The following CARD8 variants were observed in gnomAD, a reference collection of about 807,000 sequenced individuals.
CARD8 encodes caspase recruitment domain family member 8.
Under a neutral mutation model 53.2 loss-of-function variants are expected in CARD8, and 38 were observed. The observed-to-expected ratio is 0.71, with a 90% CI of 0.55 to 0.94. The LOEUF (loss-of-function observed/expected upper bound fraction) is 0.94, where lower values mean the gene tolerates loss of function less well. Ranked by LOEUF, CARD8 falls within the 40% of genes least tolerant of loss-of-function variation. The pLI is 0.00. For missense variants in CARD8, 561 were observed against 655.5 expected, an observed-to-expected ratio of 0.86 and a Z score of 1.57; for synonymous variants, 245 against 244.9, an observed-to-expected ratio of 1.00 and a Z score of 0.00.
At position 48,241,691 on chromosome 19, in the gene CARD8, T is replaced by C. The variant is rs530198766; in HGVS notation, c.-43-628A>G. Among the ~76,000 whole-genome samples, 225 of 152,360 alleles carry C rather than the reference T, an allele frequency of 1.5e-3. 1 individual carries two copies. The highest frequency in any genetic ancestry group is 5.0e-3 in the African/African-American group (207 of 41,580). Reference sequence around the variant, plus strand: ...TTCCTTGCCTTCCATTCTTCTCTCGTACAACTCTAATCGTTTTTCTTGCCT... The same window carrying C: ...TTCCTTGCCTTCCATTCTTCTCTCGCACAACTCTAATCGTTTTTCTTGCCT... On this transcript the variant is annotated intron_variant, in intron 3 of 13. Coordinates refer to ENST00000651546, the MANE Select transcript of CARD8 (RefSeq NM_001184900.3).
downstream of CARD8, chr19:48,203,982 C>G (rs1262509661): frequency 2.9e-6 from 1 of 341,814 alleles, no homozygotes; most frequent in South Asian, 2.1e-5. Context: ...GCAGTAGAAC[C>G]CGCGGGCCCA....
At position 48,249,531 on chromosome 19, in the gene CARD8, T is replaced by A. The variant is rs2046665936; in HGVS notation, c.-52A>T. The A allele has an allele frequency of 6.6e-6, 1 of 152,348 alleles. No individual in the cohort carries two copies. Among genetic ancestry groups the A allele is most frequent in the Admixed American group, 6.5e-5 (1 of 15,272 alleles). The allele number at this position is 152,348 out of a possible 1,614,324, so 9.4% of individuals were successfully genotyped here. On this transcript the variant is annotated 5_prime_UTR_variant, in exon 3 of 14. Coordinates refer to ENST00000651546, the MANE Select transcript of CARD8 (RefSeq NM_001184900.3). ...TGTTTTTTCCTACTCACATTGAAGA[T>A]GGCCCAGATGCTTGCACTAACCGCG...
At chr19:48,207,732 C>CTGTTTTTTTTTTTTTTT (rs2037425914), downstream of CARD8, among the ~76,000 whole-genome samples, 12 of 91,276 alleles carry the variant, frequency 1.3e-4, 1 homozygote, top group African/African-American at 4.4e-4. Context: ...TGTTGTTTTT[C>CTGTTTTTTTTTTTTTTT]TGTTTTTTTT....
At chr19:48,237,626 G>T (rs1423192918) in intron 5 of CARD8, among the ~76,000 whole-genome samples, 1 of 151,554 alleles carries the variant, frequency 6.6e-6, no homozygotes, top group Non-Finnish European at 1.5e-5. Context: ...GTGAAACCCC[G>T]TATCTACTAA....
Position 48,249,640 on chromosome 19 carries a change from A to G in CARD8, c.-154-7T>C, listed in dbSNP as rs1451651071. 2 of 152,324 alleles carry G rather than the reference A, an allele frequency of 1.3e-5. No homozygotes were observed. The highest frequency in any genetic ancestry group is 2.9e-5 in the Non-Finnish European group (2 of 68,038). The allele number at this position is 152,324 out of a possible 1,614,324, so 9.4% of individuals were successfully genotyped here. A position where few individuals can be genotyped will look rare whatever the true frequency, so the allele number is the denominator to read the frequency against. On this transcript the variant is annotated splice_region_variant and splice_polypyrimidine_tract_variant and intron_variant, in intron 2 of 13. Transcript: ENST00000651546. ...CTCAGACAGCCCTCCTTCTCTATGAACATTATTTCAAAAGAAGTTGAGAAC... is the reference window on the plus strand; with the variant it reads ...CTCAGACAGCCCTCCTTCTCTATGAGCATTATTTCAAAAGAAGTTGAGAAC...
chr19:48,215,704 TAAC>T (rs566565369), intron 12 of CARD8, among the ~76,000 whole-genome samples: 40 of 152,334 alleles, frequency 2.6e-4, no homozygotes, highest in Admixed American at 1.5e-3. Flanking sequence ...AGACATGAAA[TAAC>T]AACATTACAT....
In CARD8 at chr19:48,211,890, A is replaced by G. The variant is rs748050357; in HGVS notation, c.1434T>C (p.Asn478=). The change falls in exon 14 of 14, where the codon AAT becomes AAC. Residue 478 remains asparagine, a synonymous_variant. Transcript: ENST00000651546. ...LKGVLDDLQD[N]EVLTENEKEL... is the part of the protein sequence containing the mutation. Reference sequence around the variant, plus strand: ...CCTTCTCATTCTCAGTAAGAACCTCATTGTCTTGGAGATCATCGAGCACCC... The same window carrying G: ...CCTTCTCATTCTCAGTAAGAACCTCGTTGTCTTGGAGATCATCGAGCACCC... The G allele has an allele frequency of 9.3e-6, 15 of 1,613,788 alleles. No individual in the cohort carries two copies. The highest frequency in any genetic ancestry group is 1.3e-5 in the Non-Finnish European group (15 of 1,179,940).
At position 48,230,426 on chromosome 19, in the gene CARD8, C is replaced by T; in HGVS notation, c.1035+12G>A. 1 of 1,591,320 alleles carries T rather than the reference C, an allele frequency of 6.3e-7. No individual in the cohort carries two copies. The highest frequency in any genetic ancestry group is 8.6e-7 in the Non-Finnish European group (1 of 1,167,608). ...CGTCATCTTCTCTGGTCTCCTAAAT[C>T]ACTCAGCTTACCTTTGTTAGCAAGG... is the stretch of plus-strand genomic sequence containing the variant. On this transcript the variant is annotated intron_variant, in intron 10 of 13. Transcript: ENST00000651546.
At chr19:48,232,775 C>T (rs940659989) in intron 6 of CARD8, 1 of 599,378 alleles carries the variant, frequency 1.7e-6, no homozygotes. Flanking sequence ...TTCTCTTAGA[C>T]TGGGCGGATC....
At chr19:48,239,444 C>T (rs2044542669) in intron 4 of CARD8, among the ~76,000 whole-genome samples, 1 of 151,414 alleles carries the variant, frequency 6.6e-6, no homozygotes, top group Non-Finnish European at 1.5e-5. Context: ...TTTATGCATG[C>T]CAGATCATCT....
At chr19:48,241,128 C>G in intron 3 of CARD8, 65 bp from the exon 4 acceptor site, 2 of 879,466 alleles carry the variant, frequency 2.3e-6, no homozygotes, top group Non-Finnish European at 3.6e-6. Context: ...ATCTTAGCTT[C>G]TGTGTCTCTC....
intron 3 of CARD8, among the ~76,000 whole-genome samples, chr19:48,247,153 G>T (rs112875637): frequency 0.046 from 6,978 of 152,076 alleles, 538 homozygotes; most frequent in African/African-American, 0.16. Flanking sequence ...GTGAAACCCC[G>T]TCTCTACGAA....
intron 6 of CARD8, 52 bp downstream of exon 6, chr19:48,234,351 T>C: frequency 6.5e-7 from 1 of 1,546,114 alleles, no homozygotes; most frequent in Middle Eastern, 1.7e-4. Flanking sequence ...TGTTCCTCTG[T>C]GATATTGAGA....
At chr19:48,224,442 T>G (rs1236677635) in intron 10 of CARD8, among the ~76,000 whole-genome samples, 1 of 152,178 alleles carries the variant, frequency 6.6e-6, no homozygotes, top group Admixed American at 6.6e-5. Context: ...AATATGTGTA[T>G]TAAAACTTAA....
At chr19:48,242,820 T>C (rs764785861) in intron 3 of CARD8, among the ~76,000 whole-genome samples, 1 of 152,156 alleles carries the variant, frequency 6.6e-6, no homozygotes, top group Non-Finnish European at 1.5e-5. Flanking sequence ...CGTGCTCGCT[T>C]CGGCAGCACA....
At chr19:48,247,756 GTA>G (rs557750959) in intron 3 of CARD8, among the ~76,000 whole-genome samples, 6,294 of 143,278 alleles carry the variant, frequency 0.044, 135 homozygotes, top group Non-Finnish European at 0.055. Flanking sequence ...CTATGTTATT[GTA>G]TATATATATA....
intron 8 of CARD8, 54 bp from the exon 9 acceptor site, chr19:48,231,060 A>G: frequency 7.0e-7 from 1 of 1,435,926 alleles, no homozygotes; most frequent in Non-Finnish European, 9.7e-7. Context: ...CTTGGATTTA[A>G]GCAGCGATGT....
At chr19:48,204,264 G>T, downstream of CARD8, 2 of 448,082 alleles carry the variant, frequency 4.5e-6, no homozygotes, top group East Asian at 7.1e-5. Context: ...AGGAGACGGG[G>T]ATTAGAGACC....
chr19:48,205,458 G>A (rs1326958815), downstream of CARD8, among the ~76,000 whole-genome samples: 1 of 152,064 alleles, frequency 6.6e-6, no homozygotes, highest in Non-Finnish European at 1.5e-5. Context: ...TTGAACTCCT[G>A]ACCTCAAGAG....
Sources: allele counts gnomAD v4.1 joint callset (sites outside exome capture counted in the v4.1 genomes callset), GRCh38; gene constraint gnomAD v4.1.1; transcripts MANE v1.5; gene names NCBI Gene and HGNC (gene_info 2026-07-23, HGNC 2026-07-21).